The following EXOC2 variants were observed in gnomAD, a reference collection of about 807,000 sequenced individuals.
EXOC2 encodes the protein SEC5-like 1.
In EXOC2, 70 loss-of-function variants were observed where a neutral mutation model predicts 131.8. The observed-to-expected ratio is 0.53, with a 90% CI of 0.44 to 0.65. The LOEUF is 0.65. Ranked by LOEUF, EXOC2 falls within the 30% of genes least tolerant of loss-of-function variation. The probability of loss-of-function intolerance (pLI) is 0.00; values close to 1 mark genes in which losing one functional copy is unlikely to be tolerated. For synonymous variants in EXOC2, 411 were observed against 398.4 expected, an observed-to-expected ratio of 1.03 and a Z score of -0.38; for missense variants, 923 against 1,108.6, an observed-to-expected ratio of 0.83 and a Z score of 2.38.
intron 11 of EXOC2, among the ~76,000 whole-genome samples, chr6:584,058 C>A (rs115534238): frequency 1.3e-5 from 2 of 152,096 alleles, no homozygotes; most frequent in Admixed American, 1.3e-4. Flanking sequence ...TAATGTGCAA[C>A]CTTATTATGA....
At position 544,748 on chromosome 6, in the gene EXOC2, G is replaced by C. The variant is rs148191972; in HGVS notation, c.2238+4427C>G. Among the ~76,000 whole-genome samples the C allele has an allele frequency of 1.4e-3, 210 of 152,278 alleles. 1 individual carries two copies. The highest frequency in any genetic ancestry group is 4.8e-3 in the African/African-American group (201 of 41,554). ...GCAGTTAAAGCAACGCAAAACTCTA[G>C]AATCAGCTGCTCAGCATAAAGGAAC... On this transcript the variant is annotated intron_variant, in intron 22 of 27. Transcript: ENST00000230449.
rs921796265 is a variant in EXOC2 at position 629,318 on chromosome 6, T to C, written c.422+517A>G. ...AGTTACTAAAACACTGTACTAGGAATTCAGAAAAAAACTCTAGATTCAGTT... is the reference window on the plus strand; with the variant it reads ...AGTTACTAAAACACTGTACTAGGAACTCAGAAAAAAACTCTAGATTCAGTT... On this transcript the variant is annotated intron_variant, in intron 4 of 27. Coordinates refer to ENST00000230449, the MANE Select transcript of EXOC2 (RefSeq NM_018303.6). 2.6e-5 allele frequency among the ~76,000 whole-genome samples: 4 copies of C among 152,154 alleles called. No homozygotes were observed. In the South Asian group the frequency reaches 8.3e-4, roughly 31 times the overall value.
rs145627660 is a variant in EXOC2, at chr6:656,186, A to G, written c.-43-18325T>C. 408 of 1,614,172 alleles carry G rather than the reference A, an allele frequency of 2.5e-4. 2 individuals are homozygous for G. The African/African-American group carries it at 5.0e-3, about 20-fold the overall frequency. On this transcript the variant is annotated intron_variant, in intron 1 of 27. Transcript: ENST00000230449. ...GCTGAAGAAGAGTATTGTCCCAAAT[A>G]TTGCACAGGGCCGTCGTAGGATGTA...
intron 22 of EXOC2, 96 bp from the exon 23 acceptor site, chr6:532,706 G>T: frequency 4.2e-6 from 5 of 1,181,144 alleles, no homozygotes; most frequent in East Asian, 2.8e-5. Flanking sequence ...TATAATAAAA[G>T]CACTTCTCAA....
chr6:588,600 G>A (rs563787622), intron 11 of EXOC2, among the ~76,000 whole-genome samples: 22 of 152,286 alleles, frequency 1.4e-4, no homozygotes, highest in African/African-American at 4.8e-4. Flanking sequence ...TGATCCGCCC[G>A]CCTCGGCCTC....
chr6:617,773 C>A lies in EXOC2; in HGVS notation c.599G>T (p.Gly200Val). 6.2e-7 allele frequency: 1 copy of A among 1,613,646 alleles called. No individual in the cohort carries two copies. The highest frequency in any genetic ancestry group is 8.5e-7 in the Non-Finnish European group (1 of 1,179,780). The change falls in exon 6 of 28, where the codon GGC (glycine) becomes GTC (valine). Residue 200 changes from glycine (G) to valine (V), a missense_variant. Coordinates refer to ENST00000230449, the MANE Select transcript of EXOC2 (RefSeq NM_018303.6). Reference sequence around the variant, plus strand: ...ACCGCCTTTCACATAGGCCAGGCTGCCCTCACTCTTCTTGTTAGCCTGTCT... The same window carrying A: ...ACCGCCTTTCACATAGGCCAGGCTGACCTCACTCTTCTTGTTAGCCTGTCT... ...LKRQANKKSE[G>V]SLAYVKGGLS... is the part of the protein sequence containing the mutation.
intron 1 of EXOC2, chr6:655,878 T>C (rs1763050677): frequency 2.5e-6 from 1 of 398,852 alleles, no homozygotes; most frequent in Non-Finnish European, 4.5e-6. Flanking sequence ...ATAACTTTGA[T>C]AGAATCTTAA....
At chr6:556,633 G>GCATT in intron 17 of EXOC2, 69 bp from the exon 18 acceptor site, 1 of 1,520,298 alleles carries the variant, frequency 6.6e-7, no homozygotes, top group Non-Finnish European at 9.1e-7. Context: ...TTTAACACAA[G>GCATT]CGAATATGGC....
chr6:624,423 T>C (rs1283412646), intron 4 of EXOC2, among the ~76,000 whole-genome samples: 1 of 152,240 alleles, frequency 6.6e-6, no homozygotes, highest in Non-Finnish European at 1.5e-5. Flanking sequence ...TGTGGAAGCC[T>C]AGCAGTTTCT....
intron 27 of EXOC2, among the ~76,000 whole-genome samples, chr6:487,561 C>T (rs770647129): frequency 1.2e-4 from 18 of 152,130 alleles, no homozygotes; most frequent in Non-Finnish European, 2.9e-5. Context: ...TGCCCGCCAC[C>T]ACACCCGGCT....
intron 7 of EXOC2, among the ~76,000 whole-genome samples, chr6:608,275 G>A (rs1760529860): frequency 6.6e-6 from 1 of 152,328 alleles, no homozygotes; most frequent in Admixed American, 6.5e-5. Flanking sequence ...TTTGCTCCCA[G>A]GCTGGCTTAG....
At chr6:537,769 T>C (rs1379712570) in intron 22 of EXOC2, among the ~76,000 whole-genome samples, 3 of 152,194 alleles carry the variant, frequency 2.0e-5, no homozygotes, top group Non-Finnish European at 2.9e-5. Flanking sequence ...AATGACTCAC[T>C]GGTACACACA....
intron 23 of EXOC2, among the ~76,000 whole-genome samples, chr6:501,167 T>A (rs1290948158): frequency 3.9e-5 from 1 of 25,514 alleles, no homozygotes; most frequent in Non-Finnish European, 7.4e-5. Flanking sequence ...CTATATATAT[T>A]ATATATATCT....
intron 1 of EXOC2, among the ~76,000 whole-genome samples, chr6:671,033 C>A: frequency 8.6e-6 from 1 of 115,698 alleles, no homozygotes. Flanking sequence ...TGGGTAACAT[C>A]ATGAGACTCC....
chr6:607,706 A>C (rs779054586), intron 7 of EXOC2, among the ~76,000 whole-genome samples: 4 of 152,250 alleles, frequency 2.6e-5, no homozygotes, highest in Non-Finnish European at 5.9e-5. Context: ...ATGCTGTTCT[A>C]TATATTTGAA....
At chr6:591,249 C>T (rs1348591215) in intron 11 of EXOC2, among the ~76,000 whole-genome samples, 3 of 152,162 alleles carry the variant, frequency 2.0e-5, no homozygotes, top group African/African-American at 7.2e-5. Context: ...TAAGTCTGAG[C>T]TTGTCTTCCC....
chr6:572,376 A>G (rs1758333315), intron 13 of EXOC2, 144 bp downstream of exon 13: 7 of 1,055,066 alleles, frequency 6.6e-6, no homozygotes, highest in Non-Finnish European at 9.2e-6. Flanking sequence ...AGAGGGCTTT[A>G]TAATGCTTTA....
rs758925056 is a variant in EXOC2, at chr6:564,918, C to T, written c.1455G>A (p.Lys485=). 43 of 1,607,654 alleles carry T rather than the reference C, an allele frequency of 2.7e-5. No individual in the cohort carries two copies. In the African/African-American group the frequency reaches 4.8e-4, roughly 18 times the overall value. ...NGSLFSETAE[K]SGQIERSKNV... ...TCTTTGATCTTTCAATCTGGCCTGA[C>T]TTCTCAGCAGTCTTAAAAATTAAAA... Residue 485 remains lysine, a synonymous_variant, in exon 14 of 28, where the codon AAG becomes AAA. Coordinates refer to ENST00000230449, the MANE Select transcript of EXOC2 (RefSeq NM_018303.6).
chr6:549,384 C>T lies in EXOC2; in HGVS notation c.2122-93G>A, dbSNP rs181082628. On this transcript the variant is annotated intron_variant, in intron 21 of 27. Transcript: ENST00000230449. ...GTCAAGTTTAATTATAATCTCTGCT[C>T]TTTAACGTCAATATCCAATGCTTTG... 101 of 900,580 alleles carry T rather than the reference C, an allele frequency of 1.1e-4. No homozygotes were observed. In the Admixed American group the frequency reaches 1.3e-3, roughly 11 times the overall value. 55.8% of individuals were successfully genotyped at this position (900,580 alleles called of 1,614,324 possible). A position where few individuals can be genotyped will look rare whatever the true frequency, so the allele number is the denominator to read the frequency against.
Sources: gnomAD v4.1 joint callset for allele counts (sites outside exome capture counted in the v4.1 genomes callset) on GRCh38, gnomAD v4.1.1 for gene constraint, MANE v1.5 for transcripts, NCBI Gene and HGNC (gene_info 2026-07-23, HGNC 2026-07-21) for gene names.